TCF12: variants seen among roughly 807,000 people sequenced by gnomAD.
TCF12 encodes the protein transcription factor 12.
In TCF12, 45 loss-of-function variants were observed where a neutral mutation model predicts 86.0. The ratio of observed to expected loss-of-function variants is 0.52; its 90% CI spans 0.41 to 0.67. The LOEUF (loss-of-function observed/expected upper bound fraction) is 0.67. Among genes scored for constraint, TCF12 ranks in the 30% least tolerant of loss-of-function variants. The pLI is 0.00. For missense variants in TCF12, 881 were observed against 859.9 expected, an observed-to-expected ratio of 1.02 and a Z score of -0.31; for synonymous variants, 330 against 299.6, an observed-to-expected ratio of 1.10 and a Z score of -1.05.
rs2059708730 is a variant in TCF12, at chr15:56,920,020, C to T, written c.75+32C>T. On this transcript the variant is annotated intron_variant, in intron 2 of 20. Coordinates refer to ENST00000333725, the MANE Select transcript of TCF12 (RefSeq NM_207037.2). ...GAGCTTTCCATGGCATCTTGGGGTT[C>T]TGCTGAGGTTTTTGTTTGTTTGTTT... 5 of 1,612,282 alleles carry T rather than the reference C, an allele frequency of 3.1e-6. No individual in the cohort carries two copies. In the East Asian group the frequency reaches 8.9e-5, roughly 29 times the overall value.
At chr15:56,979,032 G>A (rs1294765044) in intron 3 of TCF12, among the ~76,000 whole-genome samples, 1 of 152,186 alleles carries the variant, frequency 6.6e-6, no homozygotes, top group East Asian at 1.9e-4. Flanking sequence ...TATCACTTGA[G>A]TTATTTAGTC....
At chr15:57,281,219 G>A (rs1409588717) in intron 19 of TCF12, among the ~76,000 whole-genome samples, 2 of 151,426 alleles carry the variant, frequency 1.3e-5, no homozygotes, top group Non-Finnish European at 2.9e-5. Flanking sequence ...GTACCTCTCA[G>A]CTTATTCTTT....
intron 3 of TCF12, among the ~76,000 whole-genome samples, chr15:57,059,816 A>T (rs2068322265): frequency 6.6e-6 from 1 of 152,006 alleles, no homozygotes; most frequent in Non-Finnish European, 1.5e-5. Flanking sequence ...AAAAAAAAAA[A>T]AAAAAAATTC....
intron 3 of TCF12, among the ~76,000 whole-genome samples, chr15:56,972,567 A>G (rs2062392691): frequency 6.6e-6 from 1 of 152,194 alleles, no homozygotes; most frequent in Non-Finnish European, 1.5e-5. Flanking sequence ...CCAAGATAAG[A>G]TAATATACAT....
At chr15:57,248,640 ATTGCCTGGTGTTAAGTCAG>A (rs1426197090) in intron 13 of TCF12, among the ~76,000 whole-genome samples, 1 of 152,220 alleles carries the variant, frequency 6.6e-6, no homozygotes, top group Non-Finnish European at 1.5e-5. Flanking sequence ...TACCTGTCAG[ATTGCCTGGTGTTAAGTCAG>A]TTACCTGACT....
At chr15:57,004,455 C>A (rs1368913608) in intron 3 of TCF12, among the ~76,000 whole-genome samples, 1 of 152,072 alleles carries the variant, frequency 6.6e-6, no homozygotes, top group Non-Finnish European at 1.5e-5. Context: ...GTCGCCCAGG[C>A]TGGAGTGCAG....
chr15:57,181,800 C>T (rs186707366), intron 6 of TCF12, among the ~76,000 whole-genome samples: 1 of 152,242 alleles, frequency 6.6e-6, no homozygotes, highest in Admixed American at 6.5e-5. Context: ...ATATAACTTA[C>T]TTATTGTAGA....
intron 4 of TCF12, among the ~76,000 whole-genome samples, chr15:57,064,049 AC>A (rs1700465930): frequency 6.6e-6 from 1 of 152,212 alleles, no homozygotes; most frequent in South Asian, 2.1e-4. Context: ...GTACACATGA[AC>A]TGCCTACAGT....
intron 3 of TCF12, among the ~76,000 whole-genome samples, chr15:57,049,012 G>A (rs1208461103): frequency 2.0e-5 from 3 of 152,120 alleles, no homozygotes; most frequent in Non-Finnish European, 2.9e-5. Flanking sequence ...CTTTTCAAGA[G>A]TTACCCTCTG....
chr15:56,918,652 C>G lies in TCF12; in HGVS notation c.-277C>G, dbSNP rs544026092. The G allele has an allele frequency of 5.3e-6, 1 of 189,816 alleles. No individual in the cohort carries two copies. Among genetic ancestry groups the G allele is most frequent in the African/African-American group, 2.4e-5 (1 of 41,692 alleles). 11.8% of individuals were successfully genotyped at this position (189,816 alleles called of 1,614,324 possible). A position where few individuals can be genotyped will look rare whatever the true frequency, so the allele number is the denominator to read the frequency against. ...CGGAGGGATCCGGAGGCGAGCCGAGCGCGGTGGTGAGGCCGCCTCAGCGAA... is the reference window on the plus strand; with the variant it reads ...CGGAGGGATCCGGAGGCGAGCCGAGGGCGGTGGTGAGGCCGCCTCAGCGAA... On this transcript the variant is annotated 5_prime_UTR_variant, in exon 1 of 21. Coordinates refer to ENST00000333725, the MANE Select transcript of TCF12 (RefSeq NM_207037.2).
At chr15:57,264,927 G>T (rs989755678) in intron 18 of TCF12, among the ~76,000 whole-genome samples, 1 of 150,974 alleles carries the variant, frequency 6.6e-6, no homozygotes, top group African/African-American at 2.4e-5. Flanking sequence ...ATGGGATTTC[G>T]CCATGTTGGC....
intron 4 of TCF12, among the ~76,000 whole-genome samples, chr15:57,075,786 CTTTCTTTCTTTCTTTCTT>C (rs1489874114): frequency 2.1e-3 from 119 of 56,328 alleles, no homozygotes; most frequent in African/African-American, 8.1e-3. Flanking sequence ...TTCTTTCTTT[CTTTCTTTCTTTCTTTCTT>C]TCTCTCTCTC....
chr15:57,064,539 A>T (rs1266098595), intron 4 of TCF12, among the ~76,000 whole-genome samples: 1 of 152,098 alleles, frequency 6.6e-6, no homozygotes, highest in Non-Finnish European at 1.5e-5. Context: ...TCATGCCTGT[A>T]ATCCCAGCAC....
At chr15:57,208,224 G>A (rs1465723941) in intron 8 of TCF12, among the ~76,000 whole-genome samples, 3 of 150,978 alleles carry the variant, frequency 2.0e-5, no homozygotes, top group East Asian at 2.0e-4. Context: ...TAGTAGAGAC[G>A]GGTTTCACCA....
chr15:56,945,394 C>T (rs936931333), intron 3 of TCF12, among the ~76,000 whole-genome samples: 8 of 152,042 alleles, frequency 5.3e-5, no homozygotes, highest in African/African-American at 1.9e-4. Context: ...CATTTTCCTT[C>T]TGCCCGAAGA....
chr15:56,927,350 A>G (rs1322409546), intron 3 of TCF12, among the ~76,000 whole-genome samples: 2 of 152,156 alleles, frequency 1.3e-5, no homozygotes, highest in Non-Finnish European at 2.9e-5. Context: ...AAAGGGGAAA[A>G]ATTAGCTTTA....
At chr15:57,049,891 A>G (rs1294513025) in intron 3 of TCF12, among the ~76,000 whole-genome samples, 2 of 152,036 alleles carry the variant, frequency 1.3e-5, no homozygotes, top group Non-Finnish European at 2.9e-5. Context: ...TTGCGCCATT[A>G]ATTATTTTGT....
rs574514241 is a variant in TCF12, at chr15:57,013,422, C to T, written c.149-50328C>T. Among the ~76,000 whole-genome samples, 5 of 152,234 alleles carry T rather than the reference C, an allele frequency of 3.3e-5. No individual in the cohort carries two copies. In the East Asian group the frequency reaches 9.7e-4, roughly 29 times the overall value. ...ACTTCCCAGGTTTAAGCAATCCTTC[C>T]GTCTCAGCCTCCCAAGTGGCTGAGA... On this transcript the variant is annotated intron_variant, in intron 3 of 20. Coordinates refer to ENST00000333725, the MANE Select transcript of TCF12 (RefSeq NM_207037.2).
intron 7 of TCF12, among the ~76,000 whole-genome samples, chr15:57,193,859 T>C (rs553308244): frequency 3.3e-5 from 5 of 152,214 alleles, no homozygotes; most frequent in East Asian, 1.9e-4. Context: ...TGATTTAGTA[T>C]GTTTACTATT....
Sources: gnomAD v4.1 joint callset for allele counts (sites outside exome capture counted in the v4.1 genomes callset) on GRCh38, gnomAD v4.1.1 for gene constraint, MANE v1.5 for transcripts, NCBI Gene and HGNC (gene_info 2026-07-23, HGNC 2026-07-21) for gene names.